The following PTPN2 variants were observed in gnomAD, a reference collection of about 807,000 sequenced individuals.
PTPN2 encodes tyrosine-protein phosphatase non-receptor type 2.
Under a neutral mutation model 57.3 loss-of-function variants are expected in PTPN2, and 19 were observed. The ratio of observed to expected loss-of-function variants is 0.33; its 90% confidence interval spans 0.23 to 0.49. The LOEUF (loss-of-function observed/expected upper bound fraction) is 0.49, where lower values mean the gene tolerates loss of function less well. Ranked by LOEUF, PTPN2 falls within the 20% of genes least tolerant of loss-of-function variation. The probability of loss-of-function intolerance (pLI) is 0.99; values close to 1 mark genes in which losing one functional copy is unlikely to be tolerated. For synonymous variants in PTPN2, 153 were observed against 164.9 expected (o/e 0.93, Z 0.55); for missense variants, 358 against 501.1 (o/e 0.71, Z 2.73).
At chr18:12,870,427 GTATATATATATGTGTATATA>G (rs1490381689) in intron 1 of PTPN2, among the ~76,000 whole-genome samples, 16 of 34,972 alleles carry the variant, frequency 4.6e-4, no homozygotes, top group Non-Finnish European at 6.4e-4. Flanking sequence ...ATATATATAC[GTATATATATATGTGTATATA>G]TATATATATA....
At chr18:12,811,247 T>C (rs1228474488) in intron 7 of PTPN2, among the ~76,000 whole-genome samples, 3 of 152,164 alleles carry the variant, frequency 2.0e-5, no homozygotes, top group South Asian at 4.1e-4. Flanking sequence ...CTTATAAAGA[T>C]GTGTGTTCAA....
chr18:12,844,799 G>A (rs914177260), intron 2 of PTPN2, among the ~76,000 whole-genome samples: 2 of 152,092 alleles, frequency 1.3e-5, no homozygotes, highest in Non-Finnish European at 2.9e-5. Context: ...TGCTCTAGGT[G>A]TCATAGCTAA....
intron 1 of PTPN2, chr18:12,862,715 T>C (rs1275012665): frequency 1.3e-5 from 2 of 152,124 alleles, no homozygotes; most frequent in Admixed American, 1.3e-4. Flanking sequence ...GCAGGAGCCA[T>C]CCTGTGACAG....
intron 8 of PTPN2, among the ~76,000 whole-genome samples, chr18:12,795,514 T>G (rs1368258390): frequency 6.6e-6 from 1 of 152,146 alleles, no homozygotes; most frequent in Non-Finnish European, 1.5e-5. Context: ...AGGCTGGTCT[T>G]GAACTCCTGA....
intron 7 of PTPN2, among the ~76,000 whole-genome samples, chr18:12,802,677 A>T (rs939341615): frequency 2.0e-5 from 3 of 152,212 alleles, no homozygotes. Flanking sequence ...ATTTCTCAGA[A>T]AACCTGTACA....
At position 12,883,233 on chromosome 18, in the gene PTPN2, G is replaced by A. The variant is rs73406789; in HGVS notation, c.69+840C>T. Among the ~76,000 whole-genome samples, 1,337 of 152,334 alleles carry A rather than the reference G, an allele frequency of 8.8e-3. 25 individuals carry two copies. Among genetic ancestry groups the A allele is most frequent in the African/African-American group, 0.031 (1,294 of 41,572 alleles). On this transcript the variant is annotated intron_variant, in intron 1 of 8. Transcript: ENST00000309660. The stretch of plus-strand genomic sequence containing the variant: ...GTCTGGGAGCACACATGAAAGCTGC[G>A]TTTCACTGTAGGGAAAGTATACCTC...
chr18:12,831,131 G>A, intron 3 of PTPN2, 90 bp from the exon 4 acceptor site: 1 of 807,286 alleles, frequency 1.2e-6, no homozygotes, highest in South Asian at 1.7e-5. Flanking sequence ...CTCCTGGGAT[G>A]TTACAAGACA....
intron 3 of PTPN2, among the ~76,000 whole-genome samples, chr18:12,836,264 A>G (rs530649540): frequency 6.6e-6 from 1 of 152,252 alleles, no homozygotes; most frequent in Non-Finnish European, 1.5e-5. Flanking sequence ...TGATGCGCTC[A>G]GAGGCAACTG....
intron 5 of PTPN2, among the ~76,000 whole-genome samples, chr18:12,817,636 C>T (rs1416861923): frequency 1.3e-5 from 2 of 152,100 alleles, no homozygotes; most frequent in Non-Finnish European, 2.9e-5. Flanking sequence ...TCAATCCACA[C>T]AATAATCCTA....
At chr18:12,871,884 C>A (rs1274450415) in intron 1 of PTPN2, among the ~76,000 whole-genome samples, 5 of 151,868 alleles carry the variant, frequency 3.3e-5, no homozygotes, top group Non-Finnish European at 7.4e-5. Context: ...CCTGTCTCTA[C>A]TAAAAATACA....
chr18:12,788,422 G>A (rs893650924), downstream of PTPN2, among the ~76,000 whole-genome samples: 3 of 125,008 alleles, frequency 2.4e-5, no homozygotes, highest in African/African-American at 9.4e-5. Flanking sequence ...CCCAGAGAGG[G>A]GGATCAGGGC....
chr18:12,802,642 GA>G (rs1474673829), intron 7 of PTPN2, among the ~76,000 whole-genome samples: 1 of 152,170 alleles, frequency 6.6e-6, no homozygotes, highest in Non-Finnish European at 1.5e-5. Context: ...ACATGTAAGG[GA>G]ACCTGGCAGG....
intron 1 of PTPN2, among the ~76,000 whole-genome samples, chr18:12,866,177 G>A (rs148379471): frequency 2.7e-4 from 41 of 152,294 alleles, no homozygotes; most frequent in African/African-American, 9.6e-4. Context: ...GGTGGCTCAC[G>A]CCTGTAACCC....
chr18:12,867,388 A>G (rs2044031027), intron 1 of PTPN2, among the ~76,000 whole-genome samples: 1 of 152,188 alleles, frequency 6.6e-6, no homozygotes, highest in South Asian at 2.1e-4. Context: ...TATTTTGCCA[A>G]TATTTCTCAA....
At chr18:12,870,642 G>A (rs2044239156) in intron 1 of PTPN2, among the ~76,000 whole-genome samples, 1 of 148,104 alleles carries the variant, frequency 6.8e-6, no homozygotes, top group South Asian at 2.1e-4. Context: ...CCGAGCAGCT[G>A]GGACTACAGG....
intron 4 of PTPN2, among the ~76,000 whole-genome samples, chr18:12,828,019 A>AAAAGAATTCTTTGGGTAGTGC (rs2042539126): frequency 1.3e-5 from 2 of 152,198 alleles, no homozygotes; most frequent in Non-Finnish European, 2.9e-5. Flanking sequence ...GAAAAAGAAA[A>AAAAGAATTCTTTGGGTAGTGC]AAAGAATTCT....
intron 2 of PTPN2, among the ~76,000 whole-genome samples, chr18:12,850,480 C>T (rs1360894871): frequency 2.0e-5 from 3 of 151,974 alleles, no homozygotes; most frequent in Non-Finnish European, 4.4e-5. Context: ...CAGAGCAAGA[C>T]TCCATCTAAA....
chr18:12,871,464 GCTCT>G (rs563273122), intron 1 of PTPN2, among the ~76,000 whole-genome samples: 1 of 151,886 alleles, frequency 6.6e-6, no homozygotes, highest in African/African-American at 2.4e-5. Context: ...CTGTATTTCC[GCTCT>G]CTTTTTGATA....
downstream of PTPN2, among the ~76,000 whole-genome samples, chr18:12,788,948 C>A (rs1305282660): frequency 6.6e-6 from 1 of 152,154 alleles, no homozygotes; most frequent in Admixed American, 6.6e-5. Context: ...TTAAATAATA[C>A]TACCCAAAGA....
Sources: allele counts gnomAD v4.1 joint callset (sites outside exome capture counted in the v4.1 genomes callset), GRCh38; gene constraint gnomAD v4.1.1; transcripts MANE v1.5; gene names NCBI Gene and HGNC (gene_info 2026-07-23, HGNC 2026-07-21).